EYA2: variants seen among roughly 807,000 people sequenced by gnomAD.
EYA2 encodes EYA transcriptional coactivator and phosphatase 2.
A neutral mutation model predicts 69.2 loss-of-function variants in EYA2; 31 were observed. The ratio of observed to expected loss-of-function variants is 0.45; its 90% confidence interval spans 0.34 to 0.60. EYA2 has a LOEUF of 0.60. Ranked by LOEUF, EYA2 falls within the 20% of genes least tolerant of loss-of-function variation. EYA2 has a pLI of 0.02. For synonymous variants in EYA2, 257 were observed against 279.4 expected (o/e 0.92, Z 0.80); for missense variants, 622 against 701.2 (o/e 0.89, Z 1.28).
rs1479047964 is a variant in EYA2, at chr20:47,157,152, C to T, written c.979-11987C>T. ...GGCAGATCACTTGAGGTCAGGAGTT[C>T]GAGACCAGACTGGCCAAGATGGTGA... is the stretch of plus-strand genomic sequence containing the variant. On this transcript the variant is annotated intron_variant, in intron 10 of 15. Coordinates refer to ENST00000327619, the MANE Select transcript of EYA2 (RefSeq NM_005244.5). Among the ~76,000 whole-genome samples, 3 of 151,512 alleles carry T rather than the reference C, an allele frequency of 2.0e-5. No homozygotes were observed. The South Asian group carries it at 6.4e-4, about 32-fold the overall frequency.
intron 1 of EYA2, among the ~76,000 whole-genome samples, chr20:46,966,913 C>T (rs1348618180): frequency 6.6e-6 from 1 of 152,000 alleles, no homozygotes; most frequent in East Asian, 1.9e-4. Context: ...ATTACTAATG[C>T]ATTATTTTAC....
intron 1 of EYA2, among the ~76,000 whole-genome samples, chr20:46,956,305 A>T (rs1158149905): frequency 6.6e-6 from 1 of 152,246 alleles, no homozygotes; most frequent in Non-Finnish European, 1.5e-5. Flanking sequence ...GCTGCATAAA[A>T]TTCCATCGAA....
rs115846637 is a variant in EYA2, at chr20:46,969,150, G to A, written c.-10-20851G>A. On this transcript the variant is annotated intron_variant, in intron 1 of 15. Coordinates refer to ENST00000327619, the MANE Select transcript of EYA2 (RefSeq NM_005244.5). ...CAGGGTGTTAGCTCTGGGAGTCAGAGGCTCCATCTGTCTTCCTCCGCTACT... is the reference window on the plus strand; with the variant it reads ...CAGGGTGTTAGCTCTGGGAGTCAGAAGCTCCATCTGTCTTCCTCCGCTACT... Among the ~76,000 whole-genome samples, 511 of 152,236 alleles carry A rather than the reference G, an allele frequency of 3.4e-3. 1 individual carries two copies. The highest frequency in any genetic ancestry group is 0.011 in the African/African-American group (477 of 41,546).
chr20:47,147,769 C>T (rs1210441397), intron 10 of EYA2, among the ~76,000 whole-genome samples: 1 of 152,116 alleles, frequency 6.6e-6, no homozygotes, highest in Non-Finnish European at 1.5e-5. Flanking sequence ...AAAGAATGGT[C>T]CAGGATTGGC....
rs192989827 is a variant in EYA2, at chr20:46,964,444, G to A, written c.-10-25557G>A. 6.6e-5 allele frequency among the ~76,000 whole-genome samples: 10 copies of A among 152,280 alleles called. No individual in the cohort carries two copies. The East Asian group carries it at 9.6e-4, about 15-fold the overall frequency. Reference sequence around the variant, plus strand: ...AGTAGCACCTGGCACACAGAGGTCCGCAGGTGGCTGTTGAAGGGATGCACG... The same window carrying A: ...AGTAGCACCTGGCACACAGAGGTCCACAGGTGGCTGTTGAAGGGATGCACG... On this transcript the variant is annotated intron_variant, in intron 1 of 15. Transcript: ENST00000327619.
intron 9 of EYA2, among the ~76,000 whole-genome samples, chr20:47,127,000 A>G (rs2033207925): frequency 6.6e-6 from 1 of 152,200 alleles, no homozygotes; most frequent in Non-Finnish European, 1.5e-5. Flanking sequence ...TCATTCTTGT[A>G]GAATGCTCAA....
At chr20:47,109,883 C>T (rs996978493) in intron 9 of EYA2, among the ~76,000 whole-genome samples, 3 of 152,154 alleles carry the variant, frequency 2.0e-5, no homozygotes, top group African/African-American at 7.2e-5. Flanking sequence ...GATGGCCCCA[C>T]AATAAAGGAT....
chr20:47,063,199 C>T (rs989361589), intron 5 of EYA2, among the ~76,000 whole-genome samples: 1 of 152,142 alleles, frequency 6.6e-6, no homozygotes, highest in Admixed American at 6.5e-5. Context: ...AACCCCATAA[C>T]CTTTAAGCGG....
At chr20:47,155,696 T>C (rs1285516480) in intron 10 of EYA2, among the ~76,000 whole-genome samples, 1 of 151,832 alleles carries the variant, frequency 6.6e-6, no homozygotes, top group East Asian at 2.0e-4. Flanking sequence ...AATCTCCATT[T>C]TACAGATGAG....
At chr20:46,919,670 G>T (rs1985091264) in intron 1 of EYA2, among the ~76,000 whole-genome samples, 1 of 152,226 alleles carries the variant, frequency 6.6e-6, no homozygotes, top group South Asian at 2.1e-4. Flanking sequence ...CAATAAGACT[G>T]TTTTGCTTTC....
At chr20:47,167,242 C>G (rs2034217541) in intron 10 of EYA2, among the ~76,000 whole-genome samples, 1 of 149,970 alleles carries the variant, frequency 6.7e-6, no homozygotes, top group South Asian at 2.1e-4. Flanking sequence ...TCTTACAGTT[C>G]TGGAGGTCAG....
Position 47,153,712 on chromosome 20 carries a change from C to T in EYA2, c.978+10564C>T, listed in dbSNP as rs543092233. The stretch of plus-strand genomic sequence containing the variant: ...GTGGGGACTCCTCTATGGCTAAATC[C>T]GTGAAGGTGCGACATGAAGGAGCAT... On this transcript the variant is annotated intron_variant, in intron 10 of 15. Coordinates refer to ENST00000327619, the MANE Select transcript of EYA2 (RefSeq NM_005244.5). Among the ~76,000 whole-genome samples the T allele has an allele frequency of 1.1e-3, 173 of 151,892 alleles. 2 individuals are homozygous for T. Among genetic ancestry groups the T allele is most frequent in the Non-Finnish European group, 1.4e-3 (94 of 67,986 alleles).
At chr20:47,120,656 G>A (rs1221002822) in intron 9 of EYA2, among the ~76,000 whole-genome samples, 1 of 152,150 alleles carries the variant, frequency 6.6e-6, no homozygotes, top group African/African-American at 2.4e-5. Context: ...CCTGGAACAA[G>A]TCAGTTTTTT....
chr20:46,995,262 G>T (rs1213589396), intron 2 of EYA2, among the ~76,000 whole-genome samples: 1 of 152,188 alleles, frequency 6.6e-6, no homozygotes, highest in Non-Finnish European at 1.5e-5. Context: ...ACTTAAGCCA[G>T]TTCCAGAAAT....
At chr20:47,164,637 A>G (rs79877070) in intron 10 of EYA2, among the ~76,000 whole-genome samples, 2,813 of 152,246 alleles carry the variant, frequency 0.018, 94 homozygotes, top group African/African-American at 0.064. Flanking sequence ...TTATATGGCC[A>G]TGGCTCAGAG....
intron 9 of EYA2, among the ~76,000 whole-genome samples, chr20:47,097,418 A>G (rs2146519195): frequency 6.6e-6 from 1 of 152,350 alleles, no homozygotes; most frequent in East Asian, 1.9e-4. Flanking sequence ...TTTACTTGAT[A>G]GGAAATACAC....
intron 9 of EYA2, among the ~76,000 whole-genome samples, chr20:47,100,382 G>C (rs905116460): frequency 1.3e-5 from 2 of 152,172 alleles, no homozygotes; most frequent in African/African-American, 4.8e-5. Context: ...TCTTAGGGGG[G>C]GTGGACATTC....
intron 3 of EYA2, among the ~76,000 whole-genome samples, chr20:47,003,584 G>C (rs188515392): frequency 6.6e-6 from 1 of 152,214 alleles, no homozygotes; most frequent in Non-Finnish European, 1.5e-5. Flanking sequence ...ATCTGTGCAC[G>C]TAACCTCCTG....
At chr20:47,170,648 A>G (rs900156571) in intron 11 of EYA2, among the ~76,000 whole-genome samples, 196 of 145,082 alleles carry the variant, frequency 1.4e-3, no homozygotes, top group Non-Finnish European at 2.5e-3. Flanking sequence ...CTCCGTCTCA[A>G]AAAAAAAAAA....
Sources: gnomAD v4.1 joint callset for allele counts (sites outside exome capture counted in the v4.1 genomes callset) on GRCh38, gnomAD v4.1.1 for gene constraint, MANE v1.5 for transcripts, NCBI Gene and HGNC (gene_info 2026-07-23, HGNC 2026-07-21) for gene names.